The following MYO3B variants were observed in gnomAD, a reference collection of about 807,000 sequenced individuals.
MYO3B encodes myosin IIIB.
A neutral mutation model predicts 174.6 loss-of-function variants in MYO3B; 156 were observed. The observed-to-expected ratio is 0.89, with a 90% CI of 0.78 to 1.02. The LOEUF (loss-of-function observed/expected upper bound fraction) is 1.02, where lower values mean the gene tolerates loss of function less well. Ranked by LOEUF, MYO3B falls within the 50% of genes least tolerant of loss-of-function variation. The pLI is 0.00. For synonymous variants in MYO3B, 563 were observed against 569.1 expected (o/e 0.99, Z 0.15); for missense variants, 1,632 against 1,639.4 (o/e 1.00, Z 0.08).
intron 25 of MYO3B, among the ~76,000 whole-genome samples, chr2:170,483,840 A>T (rs74529054): frequency 0.11 from 16,810 of 152,150 alleles, 1,119 homozygotes; most frequent in South Asian, 0.24. Context: ...CTAGCTGCAG[A>T]CCTGGCTCTT....
intron 7 of MYO3B, among the ~76,000 whole-genome samples, chr2:170,299,249 A>G (rs2093649205): frequency 6.6e-6 from 1 of 152,218 alleles, no homozygotes; most frequent in Non-Finnish European, 1.5e-5. Flanking sequence ...GGCCTGGCAC[A>G]GTTCCTGGAA....
intron 7 of MYO3B, among the ~76,000 whole-genome samples, chr2:170,319,961 C>A (rs1178267691): frequency 3.3e-5 from 5 of 152,052 alleles, no homozygotes; most frequent in Non-Finnish European, 7.4e-5. Flanking sequence ...ATAAAGGAAA[C>A]CCCAGATAAA....
At chr2:170,331,081 G>A (rs1240106200) in intron 7 of MYO3B, among the ~76,000 whole-genome samples, 1 of 152,054 alleles carries the variant, frequency 6.6e-6, no homozygotes, top group Non-Finnish European at 1.5e-5. Flanking sequence ...TAAACTGGAG[G>A]TACATCATGT....
chr2:170,463,275 A>G, intron 23 of MYO3B, 93 bp from the exon 24 acceptor site: 1 of 888,612 alleles, frequency 1.1e-6, no homozygotes, highest in Non-Finnish European at 1.8e-6. Context: ...CCCCTCAGGT[A>G]TTTGGCCAAA....
intron 32 of MYO3B, among the ~76,000 whole-genome samples, chr2:170,558,740 A>G (rs983866213): frequency 6.6e-6 from 1 of 152,178 alleles, no homozygotes; most frequent in Admixed American, 6.5e-5. Flanking sequence ...ATGTTCATGG[A>G]TGATGGTCCC....
chr2:170,508,141 A>C (rs1687734136), intron 28 of MYO3B, among the ~76,000 whole-genome samples: 2 of 152,130 alleles, frequency 1.3e-5, no homozygotes, highest in African/African-American at 4.8e-5. Context: ...CTAGGACTCG[A>C]TATTATAACT....
At chr2:170,469,632 C>A (rs976479017) in intron 25 of MYO3B, among the ~76,000 whole-genome samples, 27 of 152,224 alleles carry the variant, frequency 1.8e-4, no homozygotes, top group African/African-American at 6.5e-4. Context: ...TTTGACTTCT[C>A]CTCACTTCCT....
intron 7 of MYO3B, among the ~76,000 whole-genome samples, chr2:170,254,315 C>A (rs540543724): frequency 6.6e-6 from 1 of 152,298 alleles, no homozygotes; most frequent in Admixed American, 6.5e-5. Context: ...TGTGGGGCAG[C>A]TGCAGCAAAA....
intron 28 of MYO3B, among the ~76,000 whole-genome samples, chr2:170,509,021 A>G (rs199686037): frequency 2.2e-4 from 18 of 82,450 alleles, no homozygotes; most frequent in Non-Finnish European, 3.0e-4. Context: ...ACTGGGGGGG[A>G]AAAAAGTCTG....
chr2:170,274,363 T>C (rs1193332918), intron 7 of MYO3B, among the ~76,000 whole-genome samples: 4 of 152,204 alleles, frequency 2.6e-5, no homozygotes, highest in Non-Finnish European at 5.9e-5. Context: ...TTTGCATCCT[T>C]AAATAAAACT....
intron 7 of MYO3B, among the ~76,000 whole-genome samples, chr2:170,293,856 T>C (rs2093611922): frequency 6.6e-6 from 1 of 152,138 alleles, no homozygotes; most frequent in African/African-American, 2.4e-5. Context: ...CTGCATGAGC[T>C]TTTCTCTGCC....
At chr2:170,421,791 G>A (rs959458013) in intron 22 of MYO3B, among the ~76,000 whole-genome samples, 8 of 152,284 alleles carry the variant, frequency 5.3e-5, no homozygotes, top group Non-Finnish European at 7.4e-5. Context: ...GTATGATGTG[G>A]CTGTGGGGTG....
At chr2:170,244,928 A>G (rs2093173025) in intron 7 of MYO3B, among the ~76,000 whole-genome samples, 1 of 152,224 alleles carries the variant, frequency 6.6e-6, no homozygotes, top group African/African-American at 2.4e-5. Flanking sequence ...CGATGGAATC[A>G]CAGCCCGGGA....
chr2:170,178,303 A>G lies in MYO3B; in HGVS notation c.2+14A>G. ...TAGGTCATCGATGTGAGTTGCAGTT[A>G]TTTTCCTTCCAGCTTTCTTCTGTGC... On this transcript the variant is annotated intron_variant, in intron 1 of 34. Coordinates refer to ENST00000408978, the MANE Select transcript of MYO3B (RefSeq NM_138995.5). 1 of 1,614,040 alleles carries G rather than the reference A, an allele frequency of 6.2e-7. No individual in the cohort carries two copies.
intron 32 of MYO3B, among the ~76,000 whole-genome samples, chr2:170,576,060 A>G (rs13431448): frequency 0.029 from 4,387 of 152,264 alleles, 198 homozygotes; most frequent in African/African-American, 0.099. Context: ...CAGACTCCCT[A>G]TGCAGTGCTC....
chr2:170,240,030 T>C (rs2093113449), intron 7 of MYO3B, among the ~76,000 whole-genome samples: 1 of 152,196 alleles, frequency 6.6e-6, no homozygotes, highest in African/African-American at 2.4e-5. Context: ...CGTTTTCACA[T>C]GGCCGCCTTT....
At position 170,515,025 on chromosome 2, in the gene MYO3B, A is replaced by G. The variant is rs199927170; in HGVS notation, c.3472+3A>G. 591 of 1,612,686 alleles carry G rather than the reference A, an allele frequency of 3.7e-4. 1 individual carries two copies. Among genetic ancestry groups the G allele is most frequent in the Middle Eastern group, 2.6e-3 (16 of 6,056 alleles). On this transcript the variant is annotated splice_donor_region_variant and intron_variant, in intron 29 of 34. Coordinates refer to ENST00000408978, the MANE Select transcript of MYO3B (RefSeq NM_138995.5). The stretch of plus-strand genomic sequence containing the variant: ...CAGCGAGCCTGGTGACCATAAAGGT[A>G]GAGTCTTTCGAGATTTAGAATGAGT...
At chr2:170,545,398 G>A (rs1236894165) in intron 32 of MYO3B, among the ~76,000 whole-genome samples, 2 of 152,152 alleles carry the variant, frequency 1.3e-5, no homozygotes, top group Non-Finnish European at 2.9e-5. Flanking sequence ...CATAGTGTCT[G>A]GCTCATAGTA....
In MYO3B at chr2:170,392,110, A is replaced by G. The variant is rs187348592; in HGVS notation, c.1677-271A>G. 4.6e-3 allele frequency among the ~76,000 whole-genome samples: 629 copies of G among 136,564 alleles called. 3 individuals carry two copies. The highest frequency in any genetic ancestry group is 0.016 in the African/African-American group (605 of 37,390). 89.6% of individuals were successfully genotyped at this position (136,564 alleles called of 152,430 possible). A position where few individuals can be genotyped will look rare whatever the true frequency, so the allele number is the denominator to read the frequency against. On this transcript the variant is annotated intron_variant, in intron 15 of 34. Coordinates refer to ENST00000408978, the MANE Select transcript of MYO3B (RefSeq NM_138995.5). ...TGCGCTCCAGCCTGGGTGACAGAGCAAGACCCTGTCTCAAAAAAAAAAAAA... is the reference window on the plus strand; with the variant it reads ...TGCGCTCCAGCCTGGGTGACAGAGCGAGACCCTGTCTCAAAAAAAAAAAAA...
Sources: gnomAD v4.1 joint callset for allele counts (sites outside exome capture counted in the v4.1 genomes callset) on GRCh38, gnomAD v4.1.1 for gene constraint, MANE v1.5 for transcripts, NCBI Gene and HGNC (gene_info 2026-07-23, HGNC 2026-07-21) for gene names.